GYPE: variants seen among roughly 807,000 people sequenced by gnomAD.
GYPE encodes glycophorin E (MNS blood group), also known as glycophorin-E.
GYPE carries 8 observed loss-of-function variants against 11.6 expected under a neutral mutation model. That is an observed-to-expected ratio of 0.69 (90% CI 0.41 to 1.25). The LOEUF (loss-of-function observed/expected upper bound fraction) is 1.25, where lower values mean the gene tolerates loss of function less well. Among genes scored for constraint, GYPE ranks in the 50% most tolerant of loss-of-function variants. The pLI, the probability that GYPE is intolerant of heterozygous loss-of-function variation, is 0.01. For synonymous variants in GYPE, 28 were observed against 29.6 expected (o/e 0.94, Z 0.18); for missense variants, 90 against 92.8 (o/e 0.97, Z 0.12).
chr4:143,893,541 A>T (rs1361595814), intron 1 of GYPE, among the ~76,000 whole-genome samples: 1 of 151,984 alleles, frequency 6.6e-6, no homozygotes, highest in Non-Finnish European at 1.5e-5. Context: ...GCTTGTCTGT[A>T]AAGTATTTTA....
intron 1 of GYPE, among the ~76,000 whole-genome samples, chr4:143,901,433 TA>T: frequency 8.2e-6 from 1 of 121,420 alleles, no homozygotes; most frequent in Non-Finnish European, 1.8e-5. Context: ...AAAAAAAAAA[TA>T]AAATCTTACA....
rs769206540 is a variant in GYPE, at chr4:143,875,333, AT to A, written c.*9+1412del. 4.9e-5 allele frequency: 38 copies of A among 783,260 alleles called. 1 individual carries two copies. Among genetic ancestry groups the A allele is most frequent in the South Asian group, 7.6e-5 (4 of 52,618 alleles). 48.5% of individuals were successfully genotyped at this position (783,260 alleles called of 1,614,324 possible). A position where few individuals can be genotyped will look rare whatever the true frequency, so the allele number is the denominator to read the frequency against. On this transcript the variant is annotated intron_variant, in intron 3 of 3. Coordinates refer to ENST00000358615, the MANE Select transcript of GYPE (RefSeq NM_198682.3). ...ATGCAAATAATTTGTATTTTGTTTT[AT>A]TTTTATTTAGAAGTAGAGAATACAG...
intron 1 of GYPE, among the ~76,000 whole-genome samples, chr4:143,897,150 A>G (rs1381067362): frequency 6.6e-6 from 1 of 152,138 alleles, no homozygotes; most frequent in Non-Finnish European, 1.5e-5. Flanking sequence ...TAAAGCTTAC[A>G]GTATAATAAT....
intron 1 of GYPE, among the ~76,000 whole-genome samples, chr4:143,898,862 G>C (rs1433367791): frequency 6.6e-6 from 1 of 151,884 alleles, no homozygotes; most frequent in African/African-American, 2.4e-5. Flanking sequence ...GTAGCAAGGG[G>C]AGAACTTTTG....
intron 3 of GYPE, among the ~76,000 whole-genome samples, chr4:143,874,610 G>C (rs1743728028): frequency 1.3e-5 from 2 of 152,194 alleles, no homozygotes; most frequent in South Asian, 4.1e-4. Context: ...TGGGAGAAAA[G>C]AGACCTCAGA....
intron 1 of GYPE, among the ~76,000 whole-genome samples, chr4:143,882,711 C>G (rs540274718): frequency 9.2e-5 from 14 of 152,164 alleles, no homozygotes; most frequent in Non-Finnish European, 2.1e-4. Context: ...TTCTAACTTT[C>G]ATCCTCTCCA....
At chr4:143,894,740 A>T (rs1179714340) in intron 1 of GYPE, among the ~76,000 whole-genome samples, 1 of 152,182 alleles carries the variant, frequency 6.6e-6, no homozygotes, top group Non-Finnish European at 1.5e-5. Context: ...ATGAACATTG[A>T]TGCAAAAATC....
intron 3 of GYPE, chr4:143,873,314 T>A (rs1172055150): frequency 1.0e-5 from 4 of 386,574 alleles, no homozygotes; most frequent in Non-Finnish European, 1.5e-5. Flanking sequence ...TACTTTTGAT[T>A]TAAAGGTAAT....
intron 1 of GYPE, among the ~76,000 whole-genome samples, chr4:143,896,566 A>C (rs1429970165): frequency 1.3e-5 from 2 of 152,200 alleles, no homozygotes; most frequent in East Asian, 1.9e-4. Flanking sequence ...GTGGGACTGT[A>C]AACTAGTTCA....
At chr4:143,885,352 C>T (rs1744191029) in intron 1 of GYPE, among the ~76,000 whole-genome samples, 1 of 152,088 alleles carries the variant, frequency 6.6e-6, no homozygotes, top group Admixed American at 6.6e-5. Context: ...GGAGAGAGAG[C>T]TTATTTAGAT....
chr4:143,894,344 T>A (rs1227704107), intron 1 of GYPE, among the ~76,000 whole-genome samples: 1 of 152,202 alleles, frequency 6.6e-6, no homozygotes, highest in East Asian at 1.9e-4. Flanking sequence ...TTTGTTCCGT[T>A]GCTCGAGAGG....
chr4:143,872,848 T>C (rs1474187755), intron 3 of GYPE, among the ~76,000 whole-genome samples: 3 of 146,650 alleles, frequency 2.0e-5, no homozygotes, highest in Admixed American at 6.9e-5. Context: ...AGTTCAGTGG[T>C]TGCAACCAAA....
intron 1 of GYPE, among the ~76,000 whole-genome samples, chr4:143,888,958 CT>C (rs1176356443): frequency 7.6e-6 from 1 of 130,912 alleles, no homozygotes; most frequent in African/African-American, 2.8e-5. Flanking sequence ...ATTCTCAATA[CT>C]TTTTATTTGA....
intron 1 of GYPE, among the ~76,000 whole-genome samples, chr4:143,901,938 T>G (rs191013182): frequency 3.3e-5 from 5 of 152,118 alleles, no homozygotes; most frequent in Admixed American, 3.3e-4. Flanking sequence ...AAACCCTATT[T>G]CACACCAAGC....
In GYPE at chr4:143,880,354, G is replaced by T; in HGVS notation, c.136+57C>A. 6 of 1,611,926 alleles carry T rather than the reference G, an allele frequency of 3.7e-6. No homozygotes were observed. The South Asian group carries it at 5.5e-5, about 15-fold the overall frequency. ...GCAGTGACAGGTCCCCTAAAATAGG[G>T]TTGCATCACAAAAACGATTTCGGAG... On this transcript the variant is annotated intron_variant, in intron 2 of 3. Coordinates refer to ENST00000358615, the MANE Select transcript of GYPE (RefSeq NM_198682.3).
chr4:143,897,242 T>C (rs1166736119), intron 1 of GYPE, among the ~76,000 whole-genome samples: 1 of 152,130 alleles, frequency 6.6e-6, no homozygotes, highest in Non-Finnish European at 1.5e-5. Context: ...GGCAGGAGGA[T>C]TGCTTGAGGC....
At chr4:143,875,480 T>G in intron 3 of GYPE, 1 of 1,551,034 alleles carries the variant, frequency 6.4e-7, no homozygotes. Flanking sequence ...CTAGGCAAGA[T>G]CAGGCAGCAT....
intron 1 of GYPE, among the ~76,000 whole-genome samples, chr4:143,900,724 C>G (rs532124729): frequency 6.6e-6 from 1 of 152,042 alleles, no homozygotes; most frequent in Admixed American, 6.6e-5. Flanking sequence ...GTGAAAGAAG[C>G]CATACACAAA....
intron 2 of GYPE, among the ~76,000 whole-genome samples, chr4:143,879,650 T>C (rs1347113369): frequency 6.6e-6 from 1 of 152,198 alleles, no homozygotes; most frequent in South Asian, 2.1e-4. Flanking sequence ...TAACAGAATT[T>C]TCTGAAACTT....
Sources: allele counts gnomAD v4.1 joint callset (sites outside exome capture counted in the v4.1 genomes callset), GRCh38; gene constraint gnomAD v4.1.1; transcripts MANE v1.5; gene names NCBI Gene and HGNC (gene_info 2026-07-23, HGNC 2026-07-21).